Variants in USP6NL observed in about 807,000 individuals in gnomAD.
USP6NL encodes USP6 N-terminal like.
A neutral mutation model predicts 61.9 loss-of-function variants in USP6NL; 26 were observed. The ratio of observed to expected loss-of-function variants is 0.42; its 90% CI spans 0.31 to 0.58. The LOEUF is 0.58. Among genes scored for constraint, USP6NL ranks in the 20% least tolerant of loss-of-function variants. The pLI is 0.16. For missense variants in USP6NL, 1,114 were observed against 1,034.3 expected, an observed-to-expected ratio of 1.08 and a Z score of -1.06; for synonymous variants, 432 against 390.1, an observed-to-expected ratio of 1.11 and a Z score of -1.27.
intron 1 of USP6NL, among the ~76,000 whole-genome samples, chr10:11,606,478 G>A (rs948626363): frequency 2.0e-5 from 3 of 152,178 alleles, no homozygotes; most frequent in Admixed American, 2.0e-4. Flanking sequence ...AAATACATCT[G>A]TGGGGTTTAA....
Position 11,487,040 on chromosome 10 carries a change from T to A in USP6NL, c.665-1129A>T, listed in dbSNP as rs1341913657. Among the ~76,000 whole-genome samples the A allele has an allele frequency of 6.6e-6, 1 of 152,050 alleles. No individual in the cohort carries two copies. The highest frequency in any genetic ancestry group is 1.5e-5 in the Non-Finnish European group (1 of 68,016). On this transcript the variant is annotated intron_variant, in intron 10 of 14. Coordinates refer to ENST00000609104, the MANE Select transcript of USP6NL (RefSeq NM_014688.5). This position sits in a 1 kb window ranked among gnomAD's most constrained non-coding sequence, Gnocchi z 4.2. ...CTTTAGTAATATTTTTCAGTGAAAT[T>A]GTTTCATTAAAAAAAAAAAATCCGT...
intron 5 of USP6NL, among the ~76,000 whole-genome samples, chr10:11,516,438 T>C (rs1466975069): frequency 1.3e-5 from 2 of 152,226 alleles, no homozygotes; most frequent in Admixed American, 1.3e-4. Flanking sequence ...ATGGTAAAAC[T>C]TGGCTACTAG....
intron 2 of USP6NL, among the ~76,000 whole-genome samples, chr10:11,567,151 TA>T (rs1480897626): frequency 4.6e-5 from 7 of 152,258 alleles, no homozygotes; most frequent in African/African-American, 1.7e-4. Context: ...GAATGGTGCT[TA>T]AATAGTCCAT....
chr10:11,500,043 T>C (rs184666105), intron 7 of USP6NL, among the ~76,000 whole-genome samples: 117 of 152,310 alleles, frequency 7.7e-4, no homozygotes, highest in African/African-American at 2.8e-3. Flanking sequence ...TGGAAGCCAT[T>C]ATCCTCAGCA....
intron 2 of USP6NL, among the ~76,000 whole-genome samples, chr10:11,580,867 T>TG (rs1555173783): frequency 6.7e-6 from 1 of 149,744 alleles, no homozygotes; most frequent in East Asian, 2.0e-4. Context: ...AACGGATAGA[T>TG]GATGGATGGA....
At chr10:11,503,307 A>G (rs1158617914) in intron 6 of USP6NL, among the ~76,000 whole-genome samples, 1 of 152,204 alleles carries the variant, frequency 6.6e-6, no homozygotes, top group Non-Finnish European at 1.5e-5. Context: ...TTCTTAAGCT[A>G]TATTACTTGA....
At position 11,532,729 on chromosome 10, in the gene USP6NL, CATTTT is replaced by C. The variant is rs1235789459; in HGVS notation, c.5-5167_5-5163del. 6.6e-6 allele frequency among the ~76,000 whole-genome samples: 1 copy of C among 152,204 alleles called. No homozygotes were observed. The highest frequency in any genetic ancestry group is 1.5e-5 in the Non-Finnish European group (1 of 68,034). ...CCAGAAATGCTCCTCTCCTCAAATA[CATTTT>C]ATATCTTAATGTAATTTTTAATAAT... On this transcript the variant is annotated intron_variant, in intron 2 of 14. Transcript: ENST00000609104. This position sits in a 1 kb window ranked among gnomAD's most constrained non-coding sequence, Gnocchi z 4.1.
chr10:11,463,589 C>A lies in USP6NL; in HGVS notation c.1339G>T (p.Ala447Ser). The A allele has an allele frequency of 6.2e-7, 1 of 1,613,962 alleles. No homozygotes were observed. The highest frequency in any genetic ancestry group is 8.5e-7 in the Non-Finnish European group (1 of 1,179,882). ...EEESKKLKDE[A>S]DFQRKLPSGP... ...GATGGGAGTTTTCTTTGAAAATCTG[C>A]CTCATCTTTAAGCTTTTTGCTCTCC... The change falls in exon 15 of 15, where the codon GCA becomes TCA. Residue 447 changes from alanine to serine, a missense_variant. By Grantham distance (99) the Ala-to-Ser change is moderately conservative. Transcript: ENST00000609104. This position sits in a 1 kb window ranked among gnomAD's most constrained non-coding sequence, Gnocchi z 6.3.
chr10:11,584,484 T>C (rs1013703413), intron 2 of USP6NL, among the ~76,000 whole-genome samples: 1 of 152,180 alleles, frequency 6.6e-6, no homozygotes, highest in African/African-American at 2.4e-5. Flanking sequence ...CTGCCAACAG[T>C]GTCCCTGAAA....
chr10:11,551,392 T>G (rs73569184), intron 2 of USP6NL, among the ~76,000 whole-genome samples: 15,957 of 152,190 alleles, frequency 0.1, 1,331 homozygotes, highest in East Asian at 0.43. Flanking sequence ...AAAATGTATG[T>G]TTGTTTACTT....
intron 2 of USP6NL, among the ~76,000 whole-genome samples, chr10:11,584,953 A>T (rs1182539982): frequency 6.6e-6 from 1 of 152,144 alleles, no homozygotes; most frequent in Non-Finnish European, 1.5e-5. Flanking sequence ...AAACAAAGAA[A>T]CAAACAAAAA....
chr10:11,556,464 A>G (rs543771227), intron 2 of USP6NL, among the ~76,000 whole-genome samples: 29 of 152,324 alleles, frequency 1.9e-4, no homozygotes, highest in African/African-American at 6.0e-4. Flanking sequence ...TAAACACACC[A>G]TGTAAAAGAC....
chr10:11,492,037 A>G (rs979677824), intron 8 of USP6NL, among the ~76,000 whole-genome samples: 7 of 152,226 alleles, frequency 4.6e-5, no homozygotes, highest in African/African-American at 1.7e-4. Context: ...AACATAAGGT[A>G]TCTTAATAAC....
Position 11,481,658 on chromosome 10 carries a change from G to A in USP6NL, c.1078+112C>T. On this transcript the variant is annotated intron_variant, in intron 14 of 14. Coordinates refer to ENST00000609104, the MANE Select transcript of USP6NL (RefSeq NM_014688.5). The surrounding 1 kb of genome is among the most constrained non-coding windows in gnomAD (Gnocchi z 4.4). ...CTGGTAAGGCATTCATCCACATTAT[G>A]TCATCACAAGTATAATGCTTACGCT... 1.7e-6 allele frequency: 2 copies of A among 1,162,212 alleles called. No individual in the cohort carries two copies. The highest frequency in any genetic ancestry group is 2.3e-6 in the Non-Finnish European group (2 of 875,204). The allele number at this position is 1,162,212 out of a possible 1,614,324, so 72.0% of individuals were successfully genotyped here. A position where few individuals can be genotyped will look rare whatever the true frequency, so the allele number is the denominator to read the frequency against.
chr10:11,551,701 C>T (rs1347265216), intron 2 of USP6NL, among the ~76,000 whole-genome samples: 1 of 152,208 alleles, frequency 6.6e-6, no homozygotes, highest in East Asian at 1.9e-4. Context: ...GTTCACTTAA[C>T]TATGTTTAAC....
intron 2 of USP6NL, among the ~76,000 whole-genome samples, chr10:11,534,167 C>G (rs1441038467): frequency 2.0e-5 from 3 of 152,200 alleles, no homozygotes. Context: ...AATCCCCCTA[C>G]ACTTGATGTC....
At chr10:11,609,374 G>A (rs1315905369) in intron 1 of USP6NL, among the ~76,000 whole-genome samples, 3 of 152,122 alleles carry the variant, frequency 2.0e-5, no homozygotes, top group Non-Finnish European at 4.4e-5. Flanking sequence ...GCCAGTCTAT[G>A]CTTTTCAAAA....
chr10:11,545,390 T>C (rs1836235565), intron 2 of USP6NL, among the ~76,000 whole-genome samples: 1 of 152,164 alleles, frequency 6.6e-6, no homozygotes, highest in Non-Finnish European at 1.5e-5. Flanking sequence ...AGAAAACTAA[T>C]TAACACTTTC....
chr10:11,576,544 G>A (rs1456045778), intron 2 of USP6NL, among the ~76,000 whole-genome samples: 1 of 152,192 alleles, frequency 6.6e-6, no homozygotes, highest in Non-Finnish European at 1.5e-5. Flanking sequence ...ACGACGTGAG[G>A]AGAAGCTAGA....
Sources: allele counts gnomAD v4.1 joint callset (sites outside exome capture counted in the v4.1 genomes callset), GRCh38; gene constraint gnomAD v4.1.1; non-coding constraint Gnocchi (gnomAD v3.1); transcripts MANE v1.5; gene names NCBI Gene and HGNC (gene_info 2026-07-23, HGNC 2026-07-21).